MSRB3: variants seen among roughly 807,000 people sequenced by gnomAD.
MSRB3 encodes methionine-R-sulfoxide reductase B3.
Under a neutral mutation model 21.0 loss-of-function variants are expected in MSRB3, and 13 were observed. The ratio of observed to expected loss-of-function variants is 0.62; its 90% CI spans 0.40 to 0.98. The LOEUF is 0.98. MSRB3 is among the 50% of genes least tolerant of loss of function. The pLI, the probability that MSRB3 is intolerant of heterozygous loss-of-function variation, is 0.00. For missense variants in MSRB3, 199 were observed against 230.3 expected, an observed-to-expected ratio of 0.86 and a Z score of 0.88; for synonymous variants, 87 against 88.6, an observed-to-expected ratio of 0.98 and a Z score of 0.10.
At chr12:65,308,961 G>A in intron 2 of MSRB3, 1 of 413,406 alleles carries the variant, frequency 2.4e-6, no homozygotes, top group South Asian at 2.9e-5. Context: ...TAAGAGGCTG[G>A]CAGTCTGAGT....
intron 6 of MSRB3, among the ~76,000 whole-genome samples, chr12:65,456,649 A>C (rs1357567517): frequency 1.3e-5 from 2 of 152,194 alleles, no homozygotes; most frequent in Non-Finnish European, 2.9e-5. Flanking sequence ...TTCTTTTTCC[A>C]CAGCCTTCAC....
At chr12:65,447,571 A>T (rs1437292410) in intron 5 of MSRB3, among the ~76,000 whole-genome samples, 1 of 152,220 alleles carries the variant, frequency 6.6e-6, no homozygotes. Flanking sequence ...AATTCTGAAC[A>T]TTTAAAATGG....
At chr12:65,283,981 G>T (rs143129504) in intron 1 of MSRB3, 1 of 152,218 alleles carries the variant, frequency 6.6e-6, no homozygotes, top group South Asian at 2.1e-4. Flanking sequence ...TAACTGAGAT[G>T]GCAGGGGGAA....
chr12:65,409,191 T>TAC (rs569976939), intron 5 of MSRB3, among the ~76,000 whole-genome samples: 6 of 151,426 alleles, frequency 4.0e-5, no homozygotes, highest in South Asian at 2.1e-4. Flanking sequence ...TGTGTGTATA[T>TAC]ACACACACAC....
chr12:65,346,514 A>T (rs1439877546), intron 4 of MSRB3, among the ~76,000 whole-genome samples: 1 of 151,686 alleles, frequency 6.6e-6, no homozygotes, highest in African/African-American at 2.4e-5. Flanking sequence ...GATTGCAAAA[A>T]TTTTCTCCCA....
chr12:65,305,680 G>A (rs999742199), intron 1 of MSRB3, among the ~76,000 whole-genome samples: 2 of 152,198 alleles, frequency 1.3e-5, no homozygotes, highest in Admixed American at 6.5e-5. Flanking sequence ...GGGATTAAAA[G>A]GGCTAATAAA....
intron 2 of MSRB3, among the ~76,000 whole-genome samples, chr12:65,313,605 A>G (rs1874118137): frequency 6.6e-6 from 1 of 152,088 alleles, no homozygotes; most frequent in Admixed American, 6.6e-5. Flanking sequence ...CTGTTCTAAA[A>G]GATGCACATG....
At chr12:65,417,351 T>C (rs1881033851) in intron 5 of MSRB3, among the ~76,000 whole-genome samples, 1 of 152,196 alleles carries the variant, frequency 6.6e-6, no homozygotes, top group Admixed American at 6.5e-5. Flanking sequence ...CTTATTTTAT[T>C]TTGTTAATTT....
chr12:65,341,532 AT>A (rs1416244355), intron 4 of MSRB3, among the ~76,000 whole-genome samples: 4 of 118,386 alleles, frequency 3.4e-5, no homozygotes, highest in Non-Finnish European at 5.1e-5. Context: ...TAGTAAAAAA[AT>A]AATTGTACAT....
At chr12:65,449,791 A>C (rs572920773) in intron 5 of MSRB3, among the ~76,000 whole-genome samples, 1 of 152,310 alleles carries the variant, frequency 6.6e-6, no homozygotes, top group African/African-American at 2.4e-5. Flanking sequence ...CTGTATAGCA[A>C]TTCTTGTTAA....
At chr12:65,303,923 A>G (rs1312483747) in intron 1 of MSRB3, among the ~76,000 whole-genome samples, 2 of 152,160 alleles carry the variant, frequency 1.3e-5, no homozygotes, top group Non-Finnish European at 1.5e-5. Context: ...AATTACCACC[A>G]TGTTAGTATG....
At chr12:65,419,193 C>T in intron 5 of MSRB3, 1 of 704,598 alleles carries the variant, frequency 1.4e-6, no homozygotes, top group Non-Finnish European at 2.6e-6. Flanking sequence ...TGGTACTCTC[C>T]TTAATCTGCT....
chr12:65,290,957 A>T (rs1032732632), intron 1 of MSRB3, among the ~76,000 whole-genome samples: 4 of 152,178 alleles, frequency 2.6e-5, no homozygotes, highest in Non-Finnish European at 4.4e-5. Context: ...TTTTACCCAA[A>T]CCCCTCAAAT....
chr12:65,342,580 A>C (rs1262061171), intron 4 of MSRB3, among the ~76,000 whole-genome samples: 3 of 151,984 alleles, frequency 2.0e-5, no homozygotes, highest in African/African-American at 7.2e-5. Flanking sequence ...AATTATTAAA[A>C]GTCTTAGAAT....
Position 65,453,799 on chromosome 12 carries a change from C to T in MSRB3, c.364C>T (p.His122Tyr), listed in dbSNP as rs1309798300. 5 of 1,614,010 alleles carry T rather than the reference C, an allele frequency of 3.1e-6. No individual in the cohort carries two copies. In the South Asian group the frequency reaches 5.5e-5, roughly 18 times the overall value. ...TFTDDFSYGM[H>Y]RVETSCSQCG... ...CACAGATGACTTTTCCTATGGGATG[C>T]ACAGGGTGGAAACAAGCTGCTCTCA... Residue 122 changes from histidine (H) to tyrosine (Y), a missense_variant, in exon 6 of 7, where the codon CAC (histidine) becomes TAC (tyrosine). Physicochemically the swap from His to Tyr is moderately conservative, Grantham distance 83 (BLOSUM62 2). Coordinates refer to ENST00000308259, the MANE Select transcript of MSRB3 (RefSeq NM_001031679.3).
At chr12:65,329,598 C>G (rs1400680717) in intron 4 of MSRB3, among the ~76,000 whole-genome samples, 1 of 149,498 alleles carries the variant, frequency 6.7e-6, no homozygotes, top group Non-Finnish European at 1.5e-5. Context: ...TGCAGTCAGC[C>G]AAGTGTGCCA....
Position 65,465,363 on chromosome 12 carries a change from A to G in MSRB3, c.*2041A>G, listed in dbSNP as rs1025837932. On this transcript the variant is annotated 3_prime_UTR_variant, in exon 7 of 7. Coordinates refer to ENST00000308259, the MANE Select transcript of MSRB3 (RefSeq NM_001031679.3). ...GGATGCTAATCTTGAATTGTAGTTT[A>G]AAAAATACGTATTTTTGTAACTCTT... 5 of 152,304 alleles carry G rather than the reference A, an allele frequency of 3.3e-5. No individual in the cohort carries two copies. The highest frequency in any genetic ancestry group is 1.2e-4 in the African/African-American group (5 of 41,558). The allele number at this position is 152,304 out of a possible 1,614,324, so 9.4% of individuals were successfully genotyped here. A position where few individuals can be genotyped will look rare whatever the true frequency, so the allele number is the denominator to read the frequency against.
chr12:65,316,060 C>T (rs901597287), intron 2 of MSRB3: 2 of 152,142 alleles, frequency 1.3e-5, no homozygotes, highest in African/African-American at 4.8e-5. Flanking sequence ...TTCAGAGCTT[C>T]TCATCATATT....
chr12:65,326,881 G>C lies in MSRB3; in HGVS notation c.132G>C (p.Arg44Ser). Residue 44 changes from arginine (R) to serine (S), a missense_variant, in exon 3 of 7, where the codon AGG (arginine) becomes AGC (serine). Arg to Ser is a moderately radical substitution (Grantham distance 110). Transcript: ENST00000308259. ...CKVVFSQQELRKRLTPLQYHV... is the reference protein window; with the variant it reads ...CKVVFSQQELSKRLTPLQYHV... Reference sequence around the variant, plus strand: ...TGGTCTTTTCCCAGCAGGAACTGAGGAAGCGGCTAACACCCCTGCAGTACC... The same window carrying C: ...TGGTCTTTTCCCAGCAGGAACTGAGCAAGCGGCTAACACCCCTGCAGTACC... The C allele has an allele frequency of 1.9e-6, 3 of 1,612,268 alleles. No individual in the cohort carries two copies. In the African/African-American group the frequency reaches 4.0e-5, roughly 22 times the overall value.
Sources: allele counts gnomAD v4.1 joint callset (sites outside exome capture counted in the v4.1 genomes callset), GRCh38; gene constraint gnomAD v4.1.1; transcripts MANE v1.5; gene names NCBI Gene and HGNC (gene_info 2026-07-23, HGNC 2026-07-21).